Variants in ADAMTS2 observed in about 807,000 individuals in gnomAD.
ADAMTS2 encodes the protein ADAM metallopeptidase with thrombospondin type 1 motif 2, also known as A disintegrin and metalloproteinase with thrombospondin motifs 2.
Under a neutral mutation model 123.0 loss-of-function variants are expected in ADAMTS2, and 50 were observed. That is an observed-to-expected ratio of 0.41 (90% confidence interval 0.32 to 0.51). The LOEUF (loss-of-function observed/expected upper bound fraction) is 0.51, where lower values mean the gene tolerates loss of function less well. Among genes scored for constraint, ADAMTS2 ranks in the 20% least tolerant of loss-of-function variants. The pLI is 0.35. For synonymous variants in ADAMTS2, 678 were observed against 695.4 expected (o/e 0.98, Z 0.39); for missense variants, 1,494 against 1,705.2 (o/e 0.88, Z 2.18).
At chr5:179,173,155 T>C (rs940883158) in intron 5 of ADAMTS2, among the ~76,000 whole-genome samples, 4 of 151,314 alleles carry the variant, frequency 2.6e-5, no homozygotes, top group African/African-American at 9.7e-5. Flanking sequence ...GAGGCTGCAG[T>C]GAGTTATGAT....
intron 4 of ADAMTS2, among the ~76,000 whole-genome samples, chr5:179,206,162 C>T (rs887825780): frequency 6.6e-6 from 1 of 152,250 alleles, no homozygotes; most frequent in African/African-American, 2.4e-5. Flanking sequence ...CAGCGGACTT[C>T]GGCCCCCTGT....
At chr5:179,207,471 A>ACCCCCCC in intron 4 of ADAMTS2, 42 bp downstream of exon 4, 1 of 1,026,472 alleles carries the variant, frequency 9.7e-7, no homozygotes, top group Admixed American at 1.7e-5. Flanking sequence ...CCCCTGGTTG[A>ACCCCCCC]CCCTCCCCGC....
At position 179,180,391 on chromosome 5, in the gene ADAMTS2, G is replaced by A. The variant is rs1442190822; in HGVS notation, c.975+681C>T. 2.0e-5 allele frequency among the ~76,000 whole-genome samples: 3 copies of A among 152,160 alleles called. No homozygotes were observed. The highest frequency in any genetic ancestry group is 7.2e-5 in the African/African-American group (3 of 41,432). On this transcript the variant is annotated intron_variant, in intron 5 of 21. Coordinates refer to ENST00000251582, the MANE Select transcript of ADAMTS2 (RefSeq NM_014244.5). The surrounding 1 kb of genome is among the most constrained non-coding windows in gnomAD (Gnocchi z 4.6). ...GGAGAGGAGGCCACAGATTTAATAC[G>A]GGGGCAGAAGTCCAAGGGAGGGTCG...
At chr5:179,293,715 G>A (rs769558203) in intron 2 of ADAMTS2, among the ~76,000 whole-genome samples, 1 of 152,292 alleles carries the variant, frequency 6.6e-6, no homozygotes, top group African/African-American at 2.4e-5. Flanking sequence ...CTGGGTTCAA[G>A]TGATTCTCGT....
At position 179,207,734 on chromosome 5, in the gene ADAMTS2, G is replaced by A. The variant is rs201779376; in HGVS notation, c.689-19C>T. On this transcript the variant is annotated intron_variant, in intron 3 of 21. Coordinates refer to ENST00000251582, the MANE Select transcript of ADAMTS2 (RefSeq NM_014244.5). ...GAGGCCCCTGCAAGGAGAGGACACC[G>A]TCTTCAGCGGCAGGGCAAACCCACC... 4.6e-4 allele frequency: 743 copies of A among 1,606,382 alleles called. 2 individuals carry two copies. Among genetic ancestry groups the A allele is most frequent in the African/African-American group, 2.4e-3 (177 of 75,000 alleles).
rs150757723 is a variant in ADAMTS2, at chr5:179,195,283, C to T, written c.891+12230G>A. 1.9e-3 allele frequency among the ~76,000 whole-genome samples: 295 copies of T among 152,286 alleles called. 1 individual carries two copies. The highest frequency in any genetic ancestry group is 6.9e-3 in the African/African-American group (285 of 41,552). Reference sequence around the variant, plus strand: ...TACTGAGCACTTTCCTGGTGTTCAACTCGAGTGGTGCTCCCAACAGCCCCG... The same window carrying T: ...TACTGAGCACTTTCCTGGTGTTCAATTCGAGTGGTGCTCCCAACAGCCCCG... On this transcript the variant is annotated intron_variant, in intron 4 of 21. Coordinates refer to ENST00000251582, the MANE Select transcript of ADAMTS2 (RefSeq NM_014244.5).
intron 3 of ADAMTS2, among the ~76,000 whole-genome samples, chr5:179,257,115 A>C (rs1370704545): frequency 1.3e-5 from 2 of 152,170 alleles, no homozygotes; most frequent in African/African-American, 4.8e-5. Flanking sequence ...CCACATTGTG[A>C]GTTTCAAAGG....
intron 3 of ADAMTS2, among the ~76,000 whole-genome samples, chr5:179,213,293 G>A (rs1317292296): frequency 1.3e-5 from 2 of 152,180 alleles, no homozygotes; most frequent in Non-Finnish European, 2.9e-5. Context: ...TCTCCCGACA[G>A]CACCCCGTGC....
chr5:179,333,398 G>A (rs1286395128), intron 2 of ADAMTS2, among the ~76,000 whole-genome samples: 2 of 152,170 alleles, frequency 1.3e-5, no homozygotes, highest in African/African-American at 4.8e-5. Context: ...CTGTACAAAA[G>A]ACTCTCCTGT....
chr5:179,255,450 T>C (rs1766024981), intron 3 of ADAMTS2, among the ~76,000 whole-genome samples: 1 of 152,158 alleles, frequency 6.6e-6, no homozygotes. Context: ...GGTCAGGAAC[T>C]GTGGGGTGGG....
chr5:179,300,116 A>G (rs1316768356), intron 2 of ADAMTS2, among the ~76,000 whole-genome samples: 2 of 149,550 alleles, frequency 1.3e-5, no homozygotes, highest in East Asian at 3.9e-4. Flanking sequence ...AAAAAAAAGA[A>G]GAATCCTTGC....
At chr5:179,138,930 T>C (rs1375288588) in intron 11 of ADAMTS2, among the ~76,000 whole-genome samples, 1 of 152,234 alleles carries the variant, frequency 6.6e-6, no homozygotes, top group African/African-American at 2.4e-5. Context: ...AGCTGGTAAC[T>C]GGGCCCGGCT....
intron 3 of ADAMTS2, among the ~76,000 whole-genome samples, chr5:179,213,901 C>G (rs1764916865): frequency 2.0e-5 from 3 of 152,226 alleles, no homozygotes. Flanking sequence ...GATAGGAGCA[C>G]TGTAATACAT....
At chr5:179,165,307 G>A (rs1482858863) in intron 5 of ADAMTS2, among the ~76,000 whole-genome samples, 1 of 152,224 alleles carries the variant, frequency 6.6e-6, no homozygotes, top group Non-Finnish European at 1.5e-5. Flanking sequence ...TCCCCTGAGC[G>A]AGAAGAAGAC....
chr5:179,156,961 C>CTTTTTTTTTT (rs70997667), intron 6 of ADAMTS2, among the ~76,000 whole-genome samples: 34 of 108,318 alleles, frequency 3.1e-4, no homozygotes, highest in Non-Finnish European at 4.3e-4. Flanking sequence ...TTCATTTTTT[C>CTTTTTTTTTT]TTTTTTTTTT....
rs1581182388 is a variant in ADAMTS2 at position 179,197,110 on chromosome 5, G to C, written c.891+10403C>G. On this transcript the variant is annotated intron_variant, in intron 4 of 21. Coordinates refer to ENST00000251582, the MANE Select transcript of ADAMTS2 (RefSeq NM_014244.5). The surrounding 1 kb of genome is among the most constrained non-coding windows in gnomAD (Gnocchi z 4.2). ...CTTCAGGGGGAGATGCCTTACATCTGTCTGGTGGCCTCTGGCAGGCCTGAG... is the reference window on the plus strand; with the variant it reads ...CTTCAGGGGGAGATGCCTTACATCTCTCTGGTGGCCTCTGGCAGGCCTGAG... Among the ~76,000 whole-genome samples, 1 of 152,262 alleles carries C rather than the reference G, an allele frequency of 6.6e-6. No homozygotes were observed. Among genetic ancestry groups the C allele is most frequent in the South Asian group, 2.1e-4 (1 of 4,836 alleles).
intron 2 of ADAMTS2, among the ~76,000 whole-genome samples, chr5:179,292,591 C>A (rs766108167): frequency 3.3e-5 from 5 of 152,004 alleles, no homozygotes; most frequent in Non-Finnish European, 7.4e-5. Flanking sequence ...AGACAGGAGT[C>A]CTGCAGGAAA....
intron 3 of ADAMTS2, among the ~76,000 whole-genome samples, chr5:179,268,010 G>A (rs750657059): frequency 3.3e-5 from 5 of 152,242 alleles, no homozygotes; most frequent in Non-Finnish European, 5.9e-5. Context: ...GCTCAGCGCC[G>A]TGGCTGGATT....
rs1561628679 is a variant in ADAMTS2 at position 179,245,792 on chromosome 5, A to AC, written c.688+27118_688+27119insG. Among the ~76,000 whole-genome samples the AC allele has an allele frequency of 8.4e-3, 813 of 97,126 alleles. 53 individuals carry two copies. Among genetic ancestry groups the AC allele is most frequent in the Non-Finnish European group, 0.016 (630 of 40,560 alleles). 63.7% of individuals were successfully genotyped at this position (97,126 alleles called of 152,430 possible). A position where few individuals can be genotyped will look rare whatever the true frequency, so the allele number is the denominator to read the frequency against. On this transcript the variant is annotated intron_variant, in intron 3 of 21. Transcript: ENST00000251582. ...AAAAAAAAAAAAAAAAAAAAAAAAA[A>AC]AAACAAAAAAAACAAAGATGGGGGT...
Sources: gnomAD v4.1 joint callset for allele counts (sites outside exome capture counted in the v4.1 genomes callset) on GRCh38, gnomAD v4.1.1 for gene constraint, Gnocchi (gnomAD v3.1) non-coding constraint, MANE v1.5 for transcripts, NCBI Gene and HGNC (gene_info 2026-07-23, HGNC 2026-07-21) for gene names.